RABGAP1L: variants seen among roughly 807,000 people sequenced by gnomAD.
The protein encoded by RABGAP1L is RAB GTPase activating protein 1 like.
Under a neutral mutation model 137.7 loss-of-function variants are expected in RABGAP1L, and 63 were observed. That is an observed-to-expected ratio of 0.46 (90% confidence interval 0.37 to 0.56). The LOEUF (loss-of-function observed/expected upper bound fraction) is 0.56. Ranked by LOEUF, RABGAP1L falls within the 20% of genes least tolerant of loss-of-function variation. RABGAP1L has a pLI of 0.00. For missense variants in RABGAP1L, 1,095 were observed against 1,244.0 expected (o/e 0.88, Z 1.80); for synonymous variants, 431 against 433.7 (o/e 0.99, Z 0.08).
chr1:174,883,295 A>G (rs1013840532), intron 19 of RABGAP1L, among the ~76,000 whole-genome samples: 21 of 152,236 alleles, frequency 1.4e-4, no homozygotes, highest in Non-Finnish European at 7.3e-5. Context: ...CTTGTAAAGT[A>G]TTTAGCACAG....
intron 19 of RABGAP1L, among the ~76,000 whole-genome samples, chr1:174,844,137 T>C (rs1394621891): frequency 6.7e-6 from 1 of 149,450 alleles, no homozygotes; most frequent in African/African-American, 2.5e-5. Context: ...CTTTGTCAGA[T>C]GAGTAGGTTG....
rs138402098 is a variant in RABGAP1L at position 174,577,409 on chromosome 1, C to T, written c.1711-59966C>T. On this transcript the variant is annotated intron_variant, in intron 13 of 25. Coordinates refer to ENST00000681986, the MANE Select transcript of RABGAP1L (RefSeq NM_001366446.1). ...TTTGGTCCCTAAGTGTACAACTTCA[C>T]TGGGTTATTAAAAATATTAAAAAAC... is the stretch of plus-strand genomic sequence containing the variant. 1.3e-3 allele frequency among the ~76,000 whole-genome samples: 198 copies of T among 151,930 alleles called. 1 individual carries two copies. The highest frequency in any genetic ancestry group is 4.4e-3 in the African/African-American group (184 of 41,438).
intron 13 of RABGAP1L, among the ~76,000 whole-genome samples, chr1:174,589,386 TC>T (rs1669376159): frequency 6.6e-6 from 1 of 152,336 alleles, no homozygotes; most frequent in Admixed American, 6.5e-5. Context: ...AATGTTGTCT[TC>T]CATTTTGTAG....
chr1:174,664,635 C>G (rs960782311), intron 14 of RABGAP1L, among the ~76,000 whole-genome samples: 1 of 151,510 alleles, frequency 6.6e-6, no homozygotes, highest in Non-Finnish European at 1.5e-5. Flanking sequence ...AGGTGCTCCT[C>G]TTAGATCTAG....
At chr1:174,654,295 C>G (rs1396579271) in intron 14 of RABGAP1L, among the ~76,000 whole-genome samples, 1 of 152,060 alleles carries the variant, frequency 6.6e-6, no homozygotes, top group Non-Finnish European at 1.5e-5. Flanking sequence ...GTTGGGCCCT[C>G]GTTCAATTAC....
chr1:174,521,423 A>G (rs1663380658), intron 13 of RABGAP1L, among the ~76,000 whole-genome samples: 1 of 152,232 alleles, frequency 6.6e-6, no homozygotes, highest in Admixed American at 6.5e-5. Context: ...TACAGCTACA[A>G]TCTAAATTTA....
intron 11 of RABGAP1L, among the ~76,000 whole-genome samples, chr1:174,306,638 G>A (rs1433082988): frequency 6.6e-6 from 1 of 152,006 alleles, no homozygotes; most frequent in East Asian, 1.9e-4. Flanking sequence ...GTCATGTCCT[G>A]TTTCTCATTT....
chr1:174,383,539 A>C (rs1282768082), intron 12 of RABGAP1L, among the ~76,000 whole-genome samples: 1 of 152,086 alleles, frequency 6.6e-6, no homozygotes, highest in African/African-American at 2.4e-5. Context: ...TTCGGGTGGG[A>C]GTGACCCGAT....
At chr1:174,212,532 A>G (rs555181539) in intron 1 of RABGAP1L, among the ~76,000 whole-genome samples, 1 of 152,278 alleles carries the variant, frequency 6.6e-6, no homozygotes, top group East Asian at 1.9e-4. Context: ...CATATATGAT[A>G]CAGCTAAAGC....
At chr1:174,227,555 C>T (rs550195470) in intron 3 of RABGAP1L, among the ~76,000 whole-genome samples, 1 of 152,234 alleles carries the variant, frequency 6.6e-6, no homozygotes, top group South Asian at 2.1e-4. Context: ...TGTACTTACT[C>T]TCTTGCTGTT....
intron 19 of RABGAP1L, among the ~76,000 whole-genome samples, chr1:174,884,687 TC>T (rs961818129): frequency 3.7e-4 from 57 of 152,332 alleles, no homozygotes; most frequent in Middle Eastern, 6.8e-3. Flanking sequence ...CAAAGTGTGT[TC>T]CTTTAAATGC....
intron 8 of RABGAP1L, among the ~76,000 whole-genome samples, chr1:174,274,840 G>T (rs1194929916): frequency 6.6e-6 from 1 of 152,000 alleles, no homozygotes; most frequent in African/African-American, 2.4e-5. Context: ...ATTTTATAGG[G>T]GGTTCAGAGA....
chr1:174,728,159 A>G (rs941333174), intron 17 of RABGAP1L, among the ~76,000 whole-genome samples: 7 of 152,240 alleles, frequency 4.6e-5, no homozygotes, highest in Admixed American at 3.3e-4. Context: ...TTAAAATTCA[A>G]CTACAACTTT....
At chr1:174,359,233 T>C (rs1683930348) in intron 11 of RABGAP1L, among the ~76,000 whole-genome samples, 2 of 152,184 alleles carry the variant, frequency 1.3e-5, no homozygotes, top group South Asian at 4.1e-4. Flanking sequence ...TGTACTTTGG[T>C]CTCCAGTGTC....
chr1:174,837,279 C>A (rs921058433), intron 19 of RABGAP1L, among the ~76,000 whole-genome samples: 3 of 151,710 alleles, frequency 2.0e-5, no homozygotes, highest in African/African-American at 7.3e-5. Context: ...TATTTTTAAC[C>A]ACATCAATAA....
chr1:174,991,778 T>A lies in RABGAP1L; in HGVS notation c.*1777T>A, dbSNP rs1466698072. The A allele has an allele frequency of 1.3e-4, 3 of 23,324 alleles. No homozygotes were observed. The highest frequency in any genetic ancestry group is 1.2e-3 in the East Asian group (3 of 2,524). The allele number at this position is 23,324 out of a possible 1,614,324, so 1.4% of individuals were successfully genotyped here. On this transcript the variant is annotated 3_prime_UTR_variant, in exon 26 of 26. Transcript: ENST00000681986. Reference sequence around the variant, plus strand: ...CATGGTGGTCTAGATAAGCTAATTTTTTTTTTTTTTTTTTTGTAAAATGTA... The same window carrying A: ...CATGGTGGTCTAGATAAGCTAATTTATTTTTTTTTTTTTTTGTAAAATGTA...
chr1:174,892,089 G>A (rs538998988), intron 19 of RABGAP1L, among the ~76,000 whole-genome samples: 1 of 152,346 alleles, frequency 6.6e-6, no homozygotes, highest in South Asian at 2.1e-4. Context: ...GAGCCTCTGC[G>A]ACTACACCTC....
At chr1:174,894,021 G>A (rs1470348014) in intron 19 of RABGAP1L, among the ~76,000 whole-genome samples, 1 of 152,186 alleles carries the variant, frequency 6.6e-6, no homozygotes, top group Non-Finnish European at 1.5e-5. Flanking sequence ...GGGGTGGAGG[G>A]AAGGTCCCAG....
Position 174,259,732 on chromosome 1 carries a change from A to G in RABGAP1L, c.986+7142A>G, listed in dbSNP as rs186157959. ...ATTAAGCTTTATTTAATAACTGGAT[A>G]TAAAAGAGCAATAATAATGGCCAAC... On this transcript the variant is annotated intron_variant, in intron 7 of 25. Transcript: ENST00000681986. Among the ~76,000 whole-genome samples the G allele has an allele frequency of 1.2e-3, 190 of 152,364 alleles. 1 individual carries two copies. Among genetic ancestry groups the G allele is most frequent in the African/African-American group, 4.5e-3 (186 of 41,588 alleles).
Sources: gnomAD v4.1 joint callset for allele counts (sites outside exome capture counted in the v4.1 genomes callset) on GRCh38, gnomAD v4.1.1 for gene constraint, MANE v1.5 for transcripts, NCBI Gene and HGNC (gene_info 2026-07-23, HGNC 2026-07-21) for gene names.